The following ZNF407 variants were observed in gnomAD, a reference collection of about 807,000 sequenced individuals.
The protein encoded by ZNF407 is zinc finger protein 407.
A neutral mutation model predicts 131.2 loss-of-function variants in ZNF407; 17 were observed. The ratio of observed to expected loss-of-function variants is 0.13; its 90% CI spans 0.09 to 0.19. The LOEUF (loss-of-function observed/expected upper bound fraction) is 0.19. Ranked by LOEUF, ZNF407 falls within the 10% of genes least tolerant of loss-of-function variation. The pLI is 1.00. For synonymous variants in ZNF407, 1,156 were observed against 1,062.0 expected (o/e 1.09, Z -1.72); for missense variants, 2,681 against 2,830.6 (o/e 0.95, Z 1.20).
intron 8 of ZNF407, among the ~76,000 whole-genome samples, chr18:74,982,831 T>C (rs1972608627): frequency 6.6e-6 from 1 of 152,264 alleles, no homozygotes; most frequent in Admixed American, 6.5e-5. Flanking sequence ...ATAGGTCTTG[T>C]CATTTCTATT....
intron 3 of ZNF407, among the ~76,000 whole-genome samples, chr18:74,730,005 G>A (rs1426117223): frequency 2.6e-5 from 4 of 152,250 alleles, no homozygotes; most frequent in Middle Eastern, 3.4e-3. Context: ...GTCCAATAGC[G>A]TTGGAAAAGC....
At chr18:74,686,490 C>T (rs1386845953) in intron 3 of ZNF407, among the ~76,000 whole-genome samples, 1 of 152,172 alleles carries the variant, frequency 6.6e-6, no homozygotes, top group Non-Finnish European at 1.5e-5. Flanking sequence ...CCTTTCCTGG[C>T]CTGTTCATTG....
intron 8 of ZNF407, among the ~76,000 whole-genome samples, chr18:74,980,159 C>T (rs1383947502): frequency 6.6e-6 from 1 of 151,838 alleles, no homozygotes; most frequent in Non-Finnish European, 1.5e-5. Context: ...TAAAATTATC[C>T]GAAATGCTAC....
chr18:74,933,421 G>A (rs960699367), intron 8 of ZNF407, among the ~76,000 whole-genome samples: 1 of 152,266 alleles, frequency 6.6e-6, no homozygotes, highest in Middle Eastern at 3.4e-3. Context: ...GGAAAATGGG[G>A]AGTTGTGTGA....
intron 8 of ZNF407, among the ~76,000 whole-genome samples, chr18:74,928,637 C>T (rs190695020): frequency 6.5e-4 from 99 of 152,208 alleles, no homozygotes; most frequent in Admixed American, 1.4e-3. Context: ...AATGCTATAC[C>T]AGAGTCAGGT....
At chr18:74,981,251 CG>C (rs1972589455) in intron 8 of ZNF407, among the ~76,000 whole-genome samples, 1 of 152,186 alleles carries the variant, frequency 6.6e-6, no homozygotes, top group African/African-American at 2.4e-5. Flanking sequence ...CAGGGTGAGG[CG>C]GGGCACGGGC....
intron 3 of ZNF407, among the ~76,000 whole-genome samples, chr18:74,755,613 G>T: frequency 1.1e-5 from 1 of 88,822 alleles, no homozygotes; most frequent in Non-Finnish European, 1.9e-5. Context: ...TTCTGAGACC[G>T]AGTCTAACTC....
Position 75,063,554 on chromosome 18 carries a change from G to A in ZNF407, c.5833G>A (p.Gly1945Arg), listed in dbSNP as rs1246649354. ...TGGAGCCACCCAGGTGGTCGTCGTG[G>A]GGGGCTCCATGGAAGGCCACGGCAT... ...ADGATQVVVV[G>R]GSMEGHGMDE... The change falls in exon 9 of 9, where the codon GGG becomes AGG. Residue 1945 changes from glycine (G) to arginine (R), a missense_variant. By Grantham distance (125) the Gly-to-Arg change is moderately radical. This residue lies in a region of ZNF407 where 620 missense variants were observed against 583.1 expected (regional missense o/e 1.06). Transcript: ENST00000299687. This position sits in a 1 kb window ranked among gnomAD's most constrained non-coding sequence, Gnocchi z 6.6. The A allele has an allele frequency of 6.4e-7, 1 of 1,567,956 alleles. No homozygotes were observed. Among genetic ancestry groups the A allele is most frequent in the African/African-American group, 1.4e-5 (1 of 73,832 alleles).
chr18:74,664,427 G>A (rs562349185), intron 3 of ZNF407, among the ~76,000 whole-genome samples: 3 of 152,226 alleles, frequency 2.0e-5, no homozygotes, highest in East Asian at 3.9e-4. Context: ...CCAGGGAGGC[G>A]GAGGTTGCAG....
At chr18:74,606,382 T>C (rs1982806738) in intron 1 of ZNF407, among the ~76,000 whole-genome samples, 1 of 152,164 alleles carries the variant, frequency 6.6e-6, no homozygotes, top group Non-Finnish European at 1.5e-5. Context: ...ATAATGGAGA[T>C]ACCTACATTT....
At chr18:74,769,357 C>T (rs1410212451) in intron 3 of ZNF407, among the ~76,000 whole-genome samples, 1 of 151,788 alleles carries the variant, frequency 6.6e-6, no homozygotes, top group Non-Finnish European at 1.5e-5. Flanking sequence ...AATGTTTTAC[C>T]TCCTTCAGAA....
chr18:74,839,567 G>C (rs1475235488), intron 4 of ZNF407, among the ~76,000 whole-genome samples: 1 of 152,128 alleles, frequency 6.6e-6, no homozygotes, highest in East Asian at 1.9e-4. Context: ...TCAGCTGTTA[G>C]CACATCTACA....
chr18:75,005,555 T>C (rs1455011917), intron 8 of ZNF407, among the ~76,000 whole-genome samples: 1 of 152,140 alleles, frequency 6.6e-6, no homozygotes, highest in African/African-American at 2.4e-5. Context: ...GGACATTGAC[T>C]GCCTTATTTT....
chr18:74,833,541 T>C (rs1970513997), intron 4 of ZNF407, among the ~76,000 whole-genome samples: 1 of 152,124 alleles, frequency 6.6e-6, no homozygotes, highest in South Asian at 2.1e-4. Flanking sequence ...GGAAGCATAC[T>C]TGAGCCTGTG....
intron 4 of ZNF407, among the ~76,000 whole-genome samples, chr18:74,816,578 T>C (rs1202838525): frequency 6.6e-6 from 1 of 152,256 alleles, no homozygotes; most frequent in African/African-American, 2.4e-5. Context: ...TTTTGTTTGG[T>C]GGCTTTGATT....
At chr18:75,040,638 G>T (rs1973361877) in intron 8 of ZNF407, among the ~76,000 whole-genome samples, 1 of 152,206 alleles carries the variant, frequency 6.6e-6, no homozygotes, top group Non-Finnish European at 1.5e-5. Flanking sequence ...GTGTGTGTAT[G>T]TGATACTCTG....
chr18:74,647,454 ATCT>A (rs1171100820), intron 3 of ZNF407, among the ~76,000 whole-genome samples: 3 of 152,090 alleles, frequency 2.0e-5, no homozygotes, highest in Non-Finnish European at 4.4e-5. Context: ...TAAAAAAAAA[ATCT>A]TCTTGTAGAG....
At chr18:74,616,207 C>CT (rs1983282933) in intron 1 of ZNF407, among the ~76,000 whole-genome samples, 1 of 152,168 alleles carries the variant, frequency 6.6e-6, no homozygotes. Flanking sequence ...ACCCAGGACT[C>CT]TGTTTTAAGA....
intron 4 of ZNF407, among the ~76,000 whole-genome samples, chr18:74,845,736 CT>C (rs1970693868): frequency 6.6e-6 from 1 of 152,182 alleles, no homozygotes; most frequent in Admixed American, 6.5e-5. Context: ...TGAGCTAATT[CT>C]TCCAGAAGGT....
Sources: gnomAD v4.1 joint callset for allele counts (sites outside exome capture counted in the v4.1 genomes callset) on GRCh38, gnomAD v4.1.1 for gene constraint, gnomAD v4.1.1 regional missense constraint, Gnocchi (gnomAD v3.1) non-coding constraint, MANE v1.5 for transcripts, NCBI Gene and HGNC (gene_info 2026-07-23, HGNC 2026-07-21) for gene names.